RAX: variants seen among roughly 807,000 people sequenced by gnomAD.
The protein encoded by RAX is retinal homeobox protein Rx.
A neutral mutation model predicts 17.4 loss-of-function variants in RAX; 11 were observed. The ratio of observed to expected loss-of-function variants is 0.63; its 90% CI spans 0.40 to 1.05. RAX has a LOEUF of 1.05. RAX is among the 50% of genes least tolerant of loss of function. The pLI is 0.00. For missense variants in RAX, 527 were observed against 501.1 expected, an observed-to-expected ratio of 1.05 and a Z score of -0.49; for synonymous variants, 276 against 254.7, an observed-to-expected ratio of 1.08 and a Z score of -0.80.
chr18:59,268,936 C>T lies in RAX; in HGVS notation c.*68G>A. The T allele has an allele frequency of 3.7e-6, 6 of 1,611,440 alleles. No homozygotes were observed. Among genetic ancestry groups the T allele is most frequent in the Non-Finnish European group, 5.1e-6 (6 of 1,179,250 alleles). ...GCCGAGCTGGGGAGGGGGGTTGTCC[C>T]TGGGAGAGAGGATGCGGGTACGGTG... On this transcript the variant is annotated 3_prime_UTR_variant, in exon 3 of 3. Coordinates refer to ENST00000334889, the MANE Select transcript of RAX (RefSeq NM_013435.3). This position sits in a 1 kb window ranked among gnomAD's most constrained non-coding sequence, Gnocchi z 4.4.
At position 59,269,134 on chromosome 18, in the gene RAX, G is replaced by C. The variant is rs1388527781; in HGVS notation, c.911C>G (p.Pro304Arg). ...CTTGTCCCCGAAGCCGGGCCCGCAC[G>C]GGTAGGAGGGCGGCGGCGGCGCGAG... is the stretch of plus-strand genomic sequence containing the variant. ...QPLAPPPPSYPCGPGFGDKFP... is the reference protein window; with the variant it reads ...QPLAPPPPSYRCGPGFGDKFP... Residue 304 changes from proline (P) to arginine (R), a missense_variant, in exon 3 of 3, where the codon CCG (proline) becomes CGG (arginine). Pro to Arg is a moderately radical substitution (Grantham distance 103). Transcript: ENST00000334889. 6.2e-6 allele frequency: 10 copies of C among 1,604,022 alleles called. No homozygotes were observed. The highest frequency in any genetic ancestry group is 1.1e-5 in the South Asian group (1 of 90,142).
rs973465570 is a variant in RAX, at chr18:59,267,489, A to T, written c.*1515T>A. ...CATCTTTCCCACCTTCCAGAGAGAC[A>T]GAGTTTATTTAGACGAGGAAAGGGG... On this transcript the variant is annotated 3_prime_UTR_variant, in exon 3 of 3. Coordinates refer to ENST00000334889, the MANE Select transcript of RAX (RefSeq NM_013435.3). 2.6e-5 allele frequency: 4 copies of T among 152,338 alleles called. No individual in the cohort carries two copies. Among genetic ancestry groups the T allele is most frequent in the Admixed American group, 1.3e-4 (2 of 15,288 alleles). 9.4% of individuals were successfully genotyped at this position (152,338 alleles called of 1,614,324 possible).
rs770613714 is a variant in RAX, at chr18:59,268,989, C to G, written c.*15G>C. The G allele has an allele frequency of 3.7e-6, 6 of 1,612,944 alleles. No individual in the cohort carries two copies. Among genetic ancestry groups the G allele is most frequent in the Middle Eastern group, 1.7e-4 (1 of 6,054 alleles). ...GTCGGCCCGGGGTCGGATCCCAAGA[C>G]GTTCCCCAGTGCCCCTAGAGGGCCT... On this transcript the variant is annotated 3_prime_UTR_variant, in exon 3 of 3. Coordinates refer to ENST00000334889, the MANE Select transcript of RAX (RefSeq NM_013435.3). This position sits in a 1 kb window ranked among gnomAD's most constrained non-coding sequence, Gnocchi z 4.4.
Position 59,273,174 on chromosome 18 carries a change from G to T in RAX, c.33C>A (p.Ala11=), listed in dbSNP as rs1239012939. ...GGCCGGCAAGCGAGAAGCTCCCGTC[G>T]GCCATGGCTGGCGCGCAGCCCGGCA... MHLPGCAPAM[A]DGSFSLAGHL... The change falls in exon 1 of 3, where the codon GCC becomes GCA. Residue 11 remains alanine, a synonymous_variant. Transcript: ENST00000334889. 1.3e-6 allele frequency: 2 copies of T among 1,531,176 alleles called. No individual in the cohort carries two copies. The highest frequency in any genetic ancestry group is 2.0e-5 in the Admixed American group (1 of 50,732). The allele number at this position is 1,531,176 out of a possible 1,614,324, so 94.8% of individuals were successfully genotyped here. A position where few individuals can be genotyped will look rare whatever the true frequency, so the allele number is the denominator to read the frequency against.
rs1269707545 is a variant in RAX at position 59,267,913 on chromosome 18, G to T, written c.*1091C>A. The T allele has an allele frequency of 6.6e-6, 1 of 152,270 alleles. No individual in the cohort carries two copies. The highest frequency in any genetic ancestry group is 2.4e-5 in the African/African-American group (1 of 41,458). The allele number at this position is 152,270 out of a possible 1,614,324, so 9.4% of individuals were successfully genotyped here. A position where few individuals can be genotyped will look rare whatever the true frequency, so the allele number is the denominator to read the frequency against. On this transcript the variant is annotated 3_prime_UTR_variant, in exon 3 of 3. Coordinates refer to ENST00000334889, the MANE Select transcript of RAX (RefSeq NM_013435.3). ...GGGCGCTCCAGGACACTCTCCGAGC[G>T]CGGCACCTCACCAGACGCGCCTTTT...
chr18:59,272,396 C>A lies in RAX; in HGVS notation c.508G>T (p.Ala170Ser), dbSNP rs1413414766. Residue 170 changes from alanine (A) to serine (S), a missense_variant, in exon 2 of 3, where the codon GCC (alanine) becomes TCC (serine). Physicochemically the swap from Ala to Ser is moderately conservative, Grantham distance 99. Transcript: ENST00000334889. Reference protein sequence around the residue: ...YPDVYSREELAGKVNLPEVRV... With the variant: ...YPDVYSREELSGKVNLPEVRV... The stretch of plus-strand genomic sequence containing the variant: ...ACCTCTGGTAGGTTGACCTTGCCGG[C>A]CAGCTCCTCGCGGCTGTACACGTCC... 6.2e-7 allele frequency: 1 copy of A among 1,614,258 alleles called. No homozygotes were observed. The highest frequency in any genetic ancestry group is 8.5e-7 in the Non-Finnish European group (1 of 1,180,054).
rs369829507 is a variant in RAX, at chr18:59,273,443, G to T, written c.-237C>A. 1.8e-6 allele frequency: 1 copy of T among 546,958 alleles called. No homozygotes were observed. Among genetic ancestry groups the T allele is most frequent in the Non-Finnish European group, 3.2e-6 (1 of 315,858 alleles). The allele number at this position is 546,958 out of a possible 1,614,324, so 33.9% of individuals were successfully genotyped here. On this transcript the variant is annotated 5_prime_UTR_variant, in exon 1 of 3. Transcript: ENST00000334889. ...AGCTGGGGCTCTCGGCGCTAAAGGCGGGGAGCCAACTGGCCCTCGGCTCCT... is the reference window on the plus strand; with the variant it reads ...AGCTGGGGCTCTCGGCGCTAAAGGCTGGGAGCCAACTGGCCCTCGGCTCCT...
Position 59,269,033 on chromosome 18 carries a change from C to T in RAX, c.1012G>A (p.Ala338Thr). The T allele has an allele frequency of 1.2e-6, 2 of 1,613,092 alleles. No homozygotes were observed. The highest frequency in any genetic ancestry group is 8.5e-7 in the Non-Finnish European group (1 of 1,179,884). Residue 338 changes from alanine (A) to threonine (T), a missense_variant, in exon 3 of 3, where the codon GCC becomes ACC. Ala to Thr is a moderately conservative substitution (Grantham distance 58, BLOSUM62 0). Transcript: ENST00000334889. Reference protein sequence around the residue: ...LRLKAKEHIQAIGKPWQAL With the variant: ...LRLKAKEHIQTIGKPWQAL ...AGGGCCTGCCACGGCTTCCCGATGG[C>T]CTGGATGTGCTCCTTGGCTTTCAGA...
intron 2 of RAX, among the ~76,000 whole-genome samples, chr18:59,270,318 T>TAA (rs1366186193): frequency 2.0e-5 from 3 of 152,250 alleles, no homozygotes; most frequent in Admixed American, 6.5e-5. Context: ...TCCAGTCTAT[T>TAA]ATATCTACTT....
At chr18:59,271,193 C>G (rs1036733630) in intron 2 of RAX, among the ~76,000 whole-genome samples, 1 of 152,192 alleles carries the variant, frequency 6.6e-6, no homozygotes, top group African/African-American at 2.4e-5. Flanking sequence ...AACTCCTGAA[C>G]AAGTAATGAG....
In RAX at chr18:59,273,306, C is replaced by A; in HGVS notation, c.-100G>T. ...GCGGTGCAACCCGACGGGTCCCGACCCTAGGTCAAGCTCCGCGGGCGAAGC... is the reference window on the plus strand; with the variant it reads ...GCGGTGCAACCCGACGGGTCCCGACACTAGGTCAAGCTCCGCGGGCGAAGC... On this transcript the variant is annotated 5_prime_UTR_variant, in exon 1 of 3. Coordinates refer to ENST00000334889, the MANE Select transcript of RAX (RefSeq NM_013435.3). 7.7e-7 allele frequency: 1 copy of A among 1,296,364 alleles called. No individual in the cohort carries two copies. The highest frequency in any genetic ancestry group is 2.8e-5 in the Admixed American group (1 of 35,698). 80.3% of individuals were successfully genotyped at this position (1,296,364 alleles called of 1,614,324 possible). A position where few individuals can be genotyped will look rare whatever the true frequency, so the allele number is the denominator to read the frequency against.
At position 59,267,649 on chromosome 18, in the gene RAX, C is replaced by T. The variant is rs2070291554; in HGVS notation, c.*1355G>A. 1 of 147,444 alleles carries T rather than the reference C, an allele frequency of 6.8e-6. No individual in the cohort carries two copies. The highest frequency in any genetic ancestry group is 1.5e-5 in the Non-Finnish European group (1 of 66,972). 9.1% of individuals were successfully genotyped at this position (147,444 alleles called of 1,614,324 possible). ...GGTGGACGCCCCCCCCCCCCCCGTG[C>T]CAGGACCTGTTGGCGGGCATCCAGG... On this transcript the variant is annotated 3_prime_UTR_variant, in exon 3 of 3. Coordinates refer to ENST00000334889, the MANE Select transcript of RAX (RefSeq NM_013435.3).
Position 59,272,460 on chromosome 18 carries a change from C to A in RAX, c.444G>T (p.Leu148=). 6.2e-7 allele frequency: 1 copy of A among 1,614,254 alleles called. No homozygotes were observed. The highest frequency in any genetic ancestry group is 1.6e-4 in the Middle Eastern group (1 of 6,062). ...RNRTTFTTYQ[L]HELERAFEKS... is the part of the protein sequence containing the mutation. Reference sequence around the variant, plus strand: ...TCTCGAACGCGCGCTCCAGCTCATGCAGCTGGTACGTGGTGAAAGTCGTGC... The same window carrying A: ...TCTCGAACGCGCGCTCCAGCTCATGAAGCTGGTACGTGGTGAAAGTCGTGC... The change falls in exon 2 of 3, where the codon CTG becomes CTT. Residue 148 remains leucine, a synonymous_variant. Transcript: ENST00000334889.
rs1297101098 is a variant in RAX at position 59,273,040 on chromosome 18, C to A, written c.167G>T (p.Gly56Val). 1 of 1,534,474 alleles carries A rather than the reference C, an allele frequency of 6.5e-7. No individual in the cohort carries two copies. Among genetic ancestry groups the A allele is most frequent in the Non-Finnish European group, 8.7e-7 (1 of 1,146,308 alleles). Reference sequence around the variant, plus strand: ...ATCCCGCTCCTTCGCGCCCCGGGCGCCCCGCTCCGCCGGGAAGGTGCCGAG... The same window carrying A: ...ATCCCGCTCCTTCGCGCCCCGGGCGACCCGCTCCGCCGGGAAGGTGCCGAG... ...GILGTFPAER[G>V]ARGAKERDRR... Residue 56 changes from glycine (G) to valine (V), a missense_variant, in exon 1 of 3, where the codon GGC becomes GTC. Coordinates refer to ENST00000334889, the MANE Select transcript of RAX (RefSeq NM_013435.3).
chr18:59,269,695 T>G, intron 2 of RAX, among the ~76,000 whole-genome samples, 194 bp from the exon 3 acceptor site: 5 of 149,692 alleles, frequency 3.3e-5, no homozygotes, highest in South Asian at 2.1e-4. Flanking sequence ...CCACCCCGCG[T>G]TCTCTTTTCT....
chr18:59,272,795 T>C (rs2144155531), intron 1 of RAX, 123 bp downstream of exon 1: 7 of 1,397,262 alleles, frequency 5.0e-6, no homozygotes, highest in Non-Finnish European at 6.6e-6. Flanking sequence ...GCTCCCGCCA[T>C]AGACGGTCCC....
intron 2 of RAX, among the ~76,000 whole-genome samples, chr18:59,269,738 C>CTCTT (rs1489118236): frequency 6.2e-5 from 4 of 64,096 alleles, no homozygotes; most frequent in Non-Finnish European, 1.0e-4. Flanking sequence ...CTCTCTCTCT[C>CTCTT]TTTTTTTTTT....
chr18:59,271,743 G>T (rs1334274948), intron 2 of RAX, among the ~76,000 whole-genome samples: 1 of 152,112 alleles, frequency 6.6e-6, no homozygotes, highest in African/African-American at 2.4e-5. Context: ...AATATTTAAG[G>T]CTTTCAAATA....
At chr18:59,272,801 G>A (rs1487423343) in intron 1 of RAX, 117 bp downstream of exon 1, 11 of 1,406,474 alleles carry the variant, frequency 7.8e-6, no homozygotes, top group Admixed American at 2.5e-5. Flanking sequence ...GCCATAGACG[G>A]TCCCCAACCC....
Sources: allele counts gnomAD v4.1 joint callset (sites outside exome capture counted in the v4.1 genomes callset), GRCh38; gene constraint gnomAD v4.1.1; non-coding constraint Gnocchi (gnomAD v3.1); transcripts MANE v1.5; gene names NCBI Gene and HGNC (gene_info 2026-07-23, HGNC 2026-07-21).